PATL2: variants seen among roughly 807,000 people sequenced by gnomAD.
PATL2 encodes PAT1 homolog 2, also known as protein PAT1 homolog 2.
Under a neutral mutation model 77.0 loss-of-function variants are expected in PATL2, and 73 were observed. The ratio of observed to expected loss-of-function variants is 0.95; its 90% CI spans 0.78 to 1.15. The LOEUF (loss-of-function observed/expected upper bound fraction) is 1.15. Ranked by LOEUF, PATL2 falls within the 50% of genes most tolerant of loss-of-function variation. PATL2 has a pLI of 0.00. For missense variants in PATL2, 618 were observed against 655.4 expected (o/e 0.94, Z 0.62); for synonymous variants, 265 against 257.1 (o/e 1.03, Z -0.29).
intron 6 of PATL2, 141 bp from the exon 7 acceptor site, chr15:44,673,518 G>C (rs2085797580): frequency 1.8e-6 from 2 of 1,088,456 alleles, no homozygotes; most frequent in Non-Finnish European, 2.6e-6. Context: ...AGTCCCTCAA[G>C]GCAGCTTTGG....
intron 3 of PATL2, among the ~76,000 whole-genome samples, chr15:44,700,708 G>T (rs1360162731): frequency 6.6e-6 from 1 of 152,098 alleles, no homozygotes; most frequent in Non-Finnish European, 1.5e-5. Context: ...CATATCATCT[G>T]CAAATAAGGA....
At chr15:44,709,965 AAGAGTGTCTTAACTC>A (rs1194872580) in intron 3 of PATL2, among the ~76,000 whole-genome samples, 116 bp downstream of exon 3, 1 of 152,212 alleles carries the variant, frequency 6.6e-6, no homozygotes, top group African/African-American at 2.4e-5. Context: ...GGGAGGGAGC[AAGAGTGTCTTAACTC>A]ATACATTTAG....
At chr15:44,674,076 C>T in intron 6 of PATL2, 74 bp downstream of exon 6, 1 of 1,398,232 alleles carries the variant, frequency 7.2e-7, no homozygotes. Flanking sequence ...AACTCCAGAC[C>T]AGGGTTGGGG....
At chr15:44,672,224 C>T (rs2085722740) in intron 8 of PATL2, 68 bp from the exon 9 acceptor site, 1 of 1,549,602 alleles carries the variant, frequency 6.5e-7, no homozygotes, top group Non-Finnish European at 8.7e-7. Context: ...GTGTGGTGAG[C>T]AGGAAGTGGG....
chr15:44,707,630 C>A (rs936053661), intron 3 of PATL2, among the ~76,000 whole-genome samples: 2 of 152,128 alleles, frequency 1.3e-5, no homozygotes, highest in African/African-American at 4.8e-5. Context: ...TTGTTCTTCC[C>A]TCTCCTCTTC....
intron 3 of PATL2, among the ~76,000 whole-genome samples, chr15:44,705,542 C>T (rs2086716857): frequency 6.6e-6 from 1 of 152,078 alleles, no homozygotes; most frequent in African/African-American, 2.4e-5. Flanking sequence ...AGGCATGCTT[C>T]ATTCTTTTTT....
At chr15:44,676,060 C>T in intron 4 of PATL2, 1 of 318,740 alleles carries the variant, frequency 3.1e-6, no homozygotes, top group Admixed American at 4.7e-5. Flanking sequence ...CCGGCAGATA[C>T]CAAACACCTT....
intron 13 of PATL2, 69 bp from the exon 14 acceptor site, chr15:44,669,208 A>G: frequency 3.3e-6 from 5 of 1,524,560 alleles, no homozygotes; most frequent in Non-Finnish European, 4.4e-6. Context: ...CACAAAGGAG[A>G]GGCAGAAGCA....
chr15:44,690,368 TCA>T (rs2086364207), intron 3 of PATL2, among the ~76,000 whole-genome samples: 2 of 151,740 alleles, frequency 1.3e-5, no homozygotes, highest in South Asian at 4.2e-4. Flanking sequence ...AGACTGGGTC[TCA>T]CTGTGTTGCC....
intron 3 of PATL2, among the ~76,000 whole-genome samples, chr15:44,700,277 C>T (rs2412916): frequency 0.64 from 97,505 of 151,976 alleles, 32,888 homozygotes; most frequent in African/African-American, 0.86. Flanking sequence ...AAATAAATGA[C>T]TGTACGTTGA....
Position 44,710,867 on chromosome 15 carries a change from T to C in PATL2, c.-195+4A>G, listed in dbSNP as rs1450301711. Reference sequence around the variant, plus strand: ...CGACAAATCAACAGAACAAAGAAAATTACCTAAACAGCAAGGACATAGGGA... The same window carrying C: ...CGACAAATCAACAGAACAAAGAAAACTACCTAAACAGCAAGGACATAGGGA... On this transcript the variant is annotated splice_donor_region_variant and intron_variant, in intron 2 of 17. Coordinates refer to ENST00000682850, the MANE Select transcript of PATL2 (RefSeq NM_001387263.1). Among the ~76,000 whole-genome samples, 1 of 74,388 alleles carries C rather than the reference T, an allele frequency of 1.3e-5. No homozygotes were observed. Among genetic ancestry groups the C allele is most frequent in the Non-Finnish European group, 2.4e-5 (1 of 41,188 alleles). The allele number at this position is 74,388 out of a possible 152,430, so 48.8% of individuals were successfully genotyped here.
intron 3 of PATL2, among the ~76,000 whole-genome samples, chr15:44,705,108 A>G (rs1339641012): frequency 6.6e-6 from 1 of 152,124 alleles, no homozygotes. Context: ...AGGTTTGGGA[A>G]GGTCTTTGTT....
intron 15 of PATL2, 60 bp downstream of exon 15, chr15:44,668,282 C>T: frequency 2.6e-6 from 4 of 1,511,476 alleles, no homozygotes; most frequent in Non-Finnish European, 3.6e-6. Context: ...CCAACTTACC[C>T]CTTATCAGTG....
chr15:44,670,098 A>G lies in PATL2; in HGVS notation c.658-11T>C. The G allele has an allele frequency of 6.4e-7, 1 of 1,551,322 alleles. No homozygotes were observed. Among genetic ancestry groups the G allele is most frequent in the Non-Finnish European group, 8.7e-7 (1 of 1,146,930 alleles). On this transcript the variant is annotated splice_polypyrimidine_tract_variant and intron_variant, in intron 9 of 17. Coordinates refer to ENST00000682850, the MANE Select transcript of PATL2 (RefSeq NM_001387263.1). ...CTTCTGGTAATATTCCTGAGAATGC[A>G]CGGAATAGGAAACAAAAAAACAAAA...
rs957612716 is a variant in PATL2 at position 44,669,076 on chromosome 15, C to T, written c.1128G>A (p.Arg376=). Residue 376 remains arginine, a synonymous_variant, in exon 14 of 18, where the codon CGG becomes CGA. Coordinates refer to ENST00000682850, the MANE Select transcript of PATL2 (RefSeq NM_001387263.1). ...SVRKGKALVA[R]LLPFLPQDQA... Reference sequence around the variant, plus strand: ...GATCCTGGGGCAGGAAGGGGAGCAGCCGGGCCACCAGGGCCTTCCCCTTCC... The same window carrying T: ...GATCCTGGGGCAGGAAGGGGAGCAGTCGGGCCACCAGGGCCTTCCCCTTCC... The T allele has an allele frequency of 8.4e-6, 13 of 1,551,102 alleles. No individual in the cohort carries two copies. The highest frequency in any genetic ancestry group is 1.1e-5 in the Non-Finnish European group (13 of 1,146,676).
At chr15:44,696,497 G>A (rs749215355) in intron 3 of PATL2, among the ~76,000 whole-genome samples, 1 of 151,384 alleles carries the variant, frequency 6.6e-6, no homozygotes, top group African/African-American at 2.5e-5. Flanking sequence ...TTTACATCAA[G>A]CTTATATAAT....
chr15:44,684,631 C>T lies in PATL2; in HGVS notation c.-75-8066G>A, dbSNP rs184796642. Among the ~76,000 whole-genome samples the T allele has an allele frequency of 1.8e-4, 27 of 152,146 alleles. No homozygotes were observed. The East Asian group carries it at 3.9e-3, about 22-fold the overall frequency. On this transcript the variant is annotated intron_variant, in intron 3 of 17. Coordinates refer to ENST00000682850, the MANE Select transcript of PATL2 (RefSeq NM_001387263.1). ...CAAATCTACATTTGATTGGTGTACC[C>T]GAAAGTGATGGGGAGAATGGAAACA...
At chr15:44,668,276 C>G in intron 15 of PATL2, 66 bp downstream of exon 15, 1 of 1,493,388 alleles carries the variant, frequency 6.7e-7, no homozygotes, top group Non-Finnish European at 9.0e-7. Context: ...TGTCCCCCAA[C>G]TTACCCCTTA....
intron 7 of PATL2, 71 bp downstream of exon 7, chr15:44,673,164 G>A: frequency 1.3e-6 from 2 of 1,500,156 alleles, no homozygotes; most frequent in South Asian, 2.5e-5. Flanking sequence ...TGTGGCAACT[G>A]GTAGGCATGG....
Sources: allele counts gnomAD v4.1 joint callset (sites outside exome capture counted in the v4.1 genomes callset), GRCh38; gene constraint gnomAD v4.1.1; transcripts MANE v1.5; gene names NCBI Gene and HGNC (gene_info 2026-07-23, HGNC 2026-07-21).